The following GLRB variants were observed in gnomAD, a reference collection of about 807,000 sequenced individuals.
GLRB encodes the protein glycine receptor subunit beta.
Under a neutral mutation model 54.2 loss-of-function variants are expected in GLRB, and 33 were observed. The ratio of observed to expected loss-of-function variants is 0.61; its 90% CI spans 0.46 to 0.81. GLRB has a LOEUF of 0.81. Among genes scored for constraint, GLRB ranks in the 40% least tolerant of loss-of-function variants. GLRB has a pLI of 0.00. For synonymous variants in GLRB, 209 were observed against 208.2 expected (o/e 1.00, Z -0.03); for missense variants, 572 against 584.6 (o/e 0.98, Z 0.22).
chr4:157,168,604 T>C (rs188403229), intron 9 of GLRB, among the ~76,000 whole-genome samples: 12 of 152,336 alleles, frequency 7.9e-5, no homozygotes, highest in Middle Eastern at 3.4e-3. Context: ...TAAGTCAACA[T>C]GTTGGTGATT....
intron 2 of GLRB, among the ~76,000 whole-genome samples, chr4:157,117,556 C>T (rs1560951902): frequency 6.6e-6 from 1 of 151,676 alleles, no homozygotes; most frequent in East Asian, 1.9e-4. Flanking sequence ...ATGTTTCTTC[C>T]TCCTTGCTAG....
chr4:157,090,640 C>T (rs551698541), intron 2 of GLRB, among the ~76,000 whole-genome samples: 35 of 152,304 alleles, frequency 2.3e-4, no homozygotes, highest in African/African-American at 7.5e-4. Context: ...ATTTTGTCCT[C>T]TGTTGCAGTA....
chr4:157,119,726 A>T (rs1735734647), intron 2 of GLRB, among the ~76,000 whole-genome samples: 1 of 151,786 alleles, frequency 6.6e-6, no homozygotes, highest in Admixed American at 6.6e-5. Context: ...TTAAAAAGTC[A>T]GGAAACAACA....
chr4:157,105,053 T>C (rs1735171005), intron 2 of GLRB, among the ~76,000 whole-genome samples: 1 of 151,752 alleles, frequency 6.6e-6, no homozygotes, highest in South Asian at 2.1e-4. Context: ...CCTGTTCTAG[T>C]CTTTATTATA....
Position 157,077,995 on chromosome 4 carries a change from G to T in GLRB, c.-29-1G>T. 1.3e-6 allele frequency: 2 copies of T among 1,581,436 alleles called. No homozygotes were observed. Among genetic ancestry groups the T allele is most frequent in the South Asian group, 2.2e-5 (2 of 90,156 alleles). On this transcript the variant is annotated splice_acceptor_variant, in intron 1 of 9. Transcript: ENST00000264428. LOFTEE classifies it low-confidence loss of function (5UTR_SPLICE). ...AAACATTTTCTTGTTCTCTCTTGTA[G>T]ATCGATCTTCTGAAATTCAAGTTTT...
At chr4:157,137,334 T>G (rs2126568106) in intron 6 of GLRB, among the ~76,000 whole-genome samples, 1 of 152,254 alleles carries the variant, frequency 6.6e-6, no homozygotes, top group African/African-American at 2.4e-5. Flanking sequence ...TTTACAAAAT[T>G]GTATTTTTTA....
In GLRB at chr4:157,150,925, A is replaced by C. The variant is rs1374528180; in HGVS notation, c.905-1793A>C. 2.0e-5 allele frequency among the ~76,000 whole-genome samples: 3 copies of C among 152,020 alleles called. No individual in the cohort carries two copies. The East Asian group carries it at 5.8e-4, about 29-fold the overall frequency. ...AGTCTATTTTGTATATCCACACCAA[A>C]GTAATGCTACTTAAGTATTCTTTTG... is the stretch of plus-strand genomic sequence containing the variant. On this transcript the variant is annotated intron_variant, in intron 8 of 9. Transcript: ENST00000264428.
At chr4:157,108,829 G>A (rs545702846) in intron 2 of GLRB, among the ~76,000 whole-genome samples, 141 of 152,092 alleles carry the variant, frequency 9.3e-4, no homozygotes, top group African/African-American at 3.3e-3. Flanking sequence ...GCCATACAAG[G>A]AAGAGTCCAT....
chr4:157,101,076 A>G (rs1281140644), intron 2 of GLRB, among the ~76,000 whole-genome samples: 1 of 152,184 alleles, frequency 6.6e-6, no homozygotes, highest in Non-Finnish European at 1.5e-5. Flanking sequence ...TATGAATTCT[A>G]CAAGGGACAA....
In GLRB at chr4:157,170,858, A is replaced by G. The variant is rs1737897103; in HGVS notation, c.*130A>G. On this transcript the variant is annotated 3_prime_UTR_variant, in exon 10 of 10. Transcript: ENST00000264428. ...ATTTTGGATGCCATTTGATTGTAAT[A>G]AAACTGTGGCACCTTAATTTTGAAT... 1.4e-5 allele frequency: 8 copies of G among 591,570 alleles called. 1 individual carries two copies. The South Asian group carries it at 1.9e-4, about 14-fold the overall frequency. 36.6% of individuals were successfully genotyped at this position (591,570 alleles called of 1,614,324 possible). A position where few individuals can be genotyped will look rare whatever the true frequency, so the allele number is the denominator to read the frequency against.
At chr4:157,110,862 G>T (rs1275980291) in intron 2 of GLRB, among the ~76,000 whole-genome samples, 3 of 151,938 alleles carry the variant, frequency 2.0e-5, no homozygotes, top group Non-Finnish European at 4.4e-5. Context: ...TGGCTCCCAG[G>T]TGTCCAGAGT....
intron 9 of GLRB, among the ~76,000 whole-genome samples, chr4:157,161,718 T>C (rs62331487): frequency 0.14 from 21,719 of 152,266 alleles, 1,740 homozygotes; most frequent in East Asian, 0.29. Context: ...TCTGATGGGC[T>C]TCCCTTTGTG....
At chr4:157,122,304 A>G (rs556187089) in intron 3 of GLRB, 26 bp from the exon 4 acceptor site, 6 of 927,800 alleles carry the variant, frequency 6.5e-6, no homozygotes, top group Non-Finnish European at 1.0e-5. Context: ...ACAGCTAATA[A>G]ATATATTCTT....
At chr4:157,170,203 A>G (rs1429369557) in intron 9 of GLRB, among the ~76,000 whole-genome samples, 1 of 152,048 alleles carries the variant, frequency 6.6e-6, no homozygotes, top group African/African-American at 2.4e-5. Context: ...GAAATAACCA[A>G]TCAAAAGTTC....
intron 9 of GLRB, among the ~76,000 whole-genome samples, chr4:157,165,776 G>C (rs1055816289): frequency 1.3e-5 from 2 of 151,856 alleles, no homozygotes; most frequent in African/African-American, 2.4e-5. Context: ...TCTAACACTA[G>C]TATGTGCCAT....
At chr4:157,151,889 C>T (rs534193883) in intron 8 of GLRB, among the ~76,000 whole-genome samples, 2 of 152,242 alleles carry the variant, frequency 1.3e-5, no homozygotes, top group Admixed American at 6.5e-5. Flanking sequence ...TCTCCCTTGA[C>T]ACTGAATGAG....
chr4:157,122,452 G>A, intron 4 of GLRB, 55 bp downstream of exon 4: 1 of 678,128 alleles, frequency 1.5e-6, no homozygotes, highest in Non-Finnish European at 2.7e-6. Context: ...AGGAGATAGT[G>A]AAAGTAACAT....
chr4:157,090,064 A>G (rs189347780), intron 2 of GLRB, among the ~76,000 whole-genome samples: 2 of 152,240 alleles, frequency 1.3e-5, no homozygotes, highest in Non-Finnish European at 2.9e-5. Context: ...TTATTGCAGT[A>G]CTTTCCTAGA....
chr4:157,103,424 G>A (rs1247490269), intron 2 of GLRB, among the ~76,000 whole-genome samples: 4 of 152,182 alleles, frequency 2.6e-5, no homozygotes, highest in Admixed American at 2.0e-4. Flanking sequence ...CTAAAGAAAA[G>A]TTAAAATCTT....
Sources: allele counts gnomAD v4.1 joint callset (sites outside exome capture counted in the v4.1 genomes callset), GRCh38; gene constraint gnomAD v4.1.1; transcripts MANE v1.5; gene names NCBI Gene and HGNC (gene_info 2026-07-23, HGNC 2026-07-21).